Variants in THSD4 observed in about 807,000 individuals in gnomAD.
The protein encoded by THSD4 is thrombospondin type 1 domain containing 4.
THSD4 carries 69 observed loss-of-function variants against 119.0 expected under a neutral mutation model. The ratio of observed to expected loss-of-function variants is 0.58; its 90% CI spans 0.48 to 0.71. The LOEUF (loss-of-function observed/expected upper bound fraction) is 0.71, where lower values mean the gene tolerates loss of function less well. THSD4 is among the 30% of genes least tolerant of loss of function. The pLI is 0.00. For missense variants in THSD4, 1,393 were observed against 1,391.1 expected (o/e 1.00, Z -0.02); for synonymous variants, 524 against 540.4 (o/e 0.97, Z 0.42).
At chr15:71,467,604 T>G (rs774176925) in intron 7 of THSD4, among the ~76,000 whole-genome samples, 2 of 152,184 alleles carry the variant, frequency 1.3e-5, no homozygotes, top group Admixed American at 6.5e-5. Context: ...GAGGGTCATA[T>G]GACCTGCTTC....
At chr15:71,341,882 G>T (rs1267663751) in intron 6 of THSD4, among the ~76,000 whole-genome samples, 2 of 151,686 alleles carry the variant, frequency 1.3e-5, no homozygotes, top group Admixed American at 1.3e-4. Flanking sequence ...TGACCTTAAT[G>T]CTCTAACGAT....
chr15:71,204,821 G>T (rs1387074090), intron 3 of THSD4, among the ~76,000 whole-genome samples: 1 of 152,198 alleles, frequency 6.6e-6, no homozygotes, highest in Non-Finnish European at 1.5e-5. Flanking sequence ...CTCAGTCCAT[G>T]AATGTTTCCT....
intron 3 of THSD4, among the ~76,000 whole-genome samples, chr15:71,172,686 T>A (rs189025413): frequency 8.9e-5 from 1 of 11,246 alleles, no homozygotes; most frequent in African/African-American, 4.0e-4. Context: ...CCTATACATA[T>A]ATATATATAT....
chr15:71,452,936 G>T (rs550476875), intron 7 of THSD4, among the ~76,000 whole-genome samples: 16 of 152,222 alleles, frequency 1.1e-4, no homozygotes, highest in Non-Finnish European at 2.1e-4. Context: ...AAATTTAGAT[G>T]AGGTCATGAG....
In THSD4 at chr15:71,781,982, G is replaced by C. The variant is rs1447712445; in HGVS notation, c.*4608G>C. On this transcript the variant is annotated 3_prime_UTR_variant, in exon 18 of 18. Transcript: ENST00000261862. The stretch of plus-strand genomic sequence containing the variant: ...GCCCACTGTGGGACTGAAACCCTGA[G>C]CTGAATGCGGCCTCATGTCTCAGAG... The C allele has an allele frequency of 6.6e-6, 1 of 152,286 alleles. No homozygotes were observed. The highest frequency in any genetic ancestry group is 1.5e-5 in the Non-Finnish European group (1 of 68,102). The allele number at this position is 152,286 out of a possible 1,614,324, so 9.4% of individuals were successfully genotyped here. A position where few individuals can be genotyped will look rare whatever the true frequency, so the allele number is the denominator to read the frequency against.
chr15:71,649,166 C>T (rs574651910), intron 7 of THSD4, among the ~76,000 whole-genome samples: 10 of 152,298 alleles, frequency 6.6e-5, no homozygotes, highest in African/African-American at 2.4e-4. Flanking sequence ...TCTTCTCCAC[C>T]ATCTCCTAGT....
chr15:71,142,965 T>G (rs1169343246), intron 2 of THSD4, among the ~76,000 whole-genome samples: 3 of 152,250 alleles, frequency 2.0e-5, no homozygotes, highest in African/African-American at 7.2e-5. Flanking sequence ...GCCAAGCAGA[T>G]GCCCTTGGGC....
rs2141364221 is a variant in THSD4 at position 71,133,886 on chromosome 15, A to G, written c.-79-7563A>G. On this transcript the variant is annotated intron_variant, in intron 1 of 17. Transcript: ENST00000261862. ...ATGAAAATGATGCAATTTGCATTGAAATCCTTAACTAATCTGTGCTGATTA... is the reference window on the plus strand; with the variant it reads ...ATGAAAATGATGCAATTTGCATTGAGATCCTTAACTAATCTGTGCTGATTA... 1.3e-5 allele frequency among the ~76,000 whole-genome samples: 2 copies of G among 152,328 alleles called. 1 individual carries two copies. The highest frequency in any genetic ancestry group is 4.1e-4 in the South Asian group (2 of 4,830).
intron 3 of THSD4, among the ~76,000 whole-genome samples, chr15:71,188,477 G>GAGAT (rs2043635338): frequency 6.6e-6 from 1 of 152,118 alleles, no homozygotes; most frequent in South Asian, 2.1e-4. Context: ...GGAAGCCATA[G>GAGAT]AGATACTGGT....
chr15:71,246,170 T>C (rs2044198550), intron 5 of THSD4, among the ~76,000 whole-genome samples: 1 of 152,176 alleles, frequency 6.6e-6, no homozygotes, highest in Admixed American at 6.5e-5. Flanking sequence ...TAATGATCCC[T>C]ACCGTGTAGG....
chr15:71,122,956 T>C lies in THSD4; in HGVS notation c.-80+7258T>C, dbSNP rs1188126839. On this transcript the variant is annotated intron_variant, in intron 1 of 17. Coordinates refer to ENST00000261862, the MANE Select transcript of THSD4 (RefSeq NM_024817.3). ...GCTGCTCATGGGGTCTTCAGAGAAATTGCACTTGGGAGGCCCAGACAAGGG... is the reference window on the plus strand; with the variant it reads ...GCTGCTCATGGGGTCTTCAGAGAAACTGCACTTGGGAGGCCCAGACAAGGG... Among the ~76,000 whole-genome samples, 3 of 152,172 alleles carry C rather than the reference T, an allele frequency of 2.0e-5. No homozygotes were observed. The East Asian group carries it at 5.8e-4, about 29-fold the overall frequency.
intron 7 of THSD4, among the ~76,000 whole-genome samples, chr15:71,496,202 C>T (rs2048015493): frequency 6.6e-6 from 1 of 152,160 alleles, no homozygotes; most frequent in Non-Finnish European, 1.5e-5. Context: ...TGTCACTTAC[C>T]TGAACTACAG....
chr15:71,269,189 G>A (rs1199859964), intron 6 of THSD4, among the ~76,000 whole-genome samples: 3 of 152,016 alleles, frequency 2.0e-5, no homozygotes, highest in East Asian at 1.9e-4. Context: ...ACATTGATGC[G>A]AAAATTCTCA....
chr15:71,312,252 C>T (rs181237998), intron 6 of THSD4, among the ~76,000 whole-genome samples: 40 of 152,046 alleles, frequency 2.6e-4, no homozygotes, highest in African/African-American at 7.2e-4. Context: ...CGCTGGAAAC[C>T]GGGAGGCAGA....
At chr15:71,121,447 G>A (rs581821) in intron 1 of THSD4, among the ~76,000 whole-genome samples, 1 of 151,990 alleles carries the variant, frequency 6.6e-6, no homozygotes, top group African/African-American at 2.4e-5. Flanking sequence ...CTTCCAGGGC[G>A]CCAAGGCTTG....
At chr15:71,710,250 T>C (rs898260838) in intron 8 of THSD4, among the ~76,000 whole-genome samples, 1 of 152,196 alleles carries the variant, frequency 6.6e-6, no homozygotes, top group Non-Finnish European at 1.5e-5. Flanking sequence ...CAGGATGACC[T>C]CTGAGGACAC....
chr15:71,506,142 T>C (rs551845540), intron 7 of THSD4, among the ~76,000 whole-genome samples: 2 of 152,346 alleles, frequency 1.3e-5, no homozygotes, highest in African/African-American at 4.8e-5. Flanking sequence ...GTAAGGAGTT[T>C]ATGGTCTGCT....
rs565194164 is a variant in THSD4, at chr15:71,670,184, A to G, written c.1357+9450A>G. Among the ~76,000 whole-genome samples the G allele has an allele frequency of 2.5e-3, 379 of 151,904 alleles. 9 individuals are homozygous for G. Among genetic ancestry groups the G allele is most frequent in the Non-Finnish European group, 7.4e-5 (5 of 67,974 alleles). On this transcript the variant is annotated intron_variant, in intron 8 of 17. Coordinates refer to ENST00000261862, the MANE Select transcript of THSD4 (RefSeq NM_024817.3). ...GCCATGTTGGTTTGCTGCACCCATT[A>G]ACTCGTCATTTACATTAGGTATTTC...
intron 7 of THSD4, among the ~76,000 whole-genome samples, chr15:71,485,743 T>C (rs150285718): frequency 1.7e-3 from 256 of 152,322 alleles, no homozygotes; most frequent in Non-Finnish European, 3.1e-3. Flanking sequence ...GTACCTCTCA[T>C]TGAATGACAA....
Sources: allele counts gnomAD v4.1 joint callset (sites outside exome capture counted in the v4.1 genomes callset), GRCh38; gene constraint gnomAD v4.1.1; transcripts MANE v1.5; gene names NCBI Gene and HGNC (gene_info 2026-07-23, HGNC 2026-07-21).